The following MEGF9 variants were observed in gnomAD, a reference collection of about 807,000 sequenced individuals.
The protein encoded by MEGF9 is multiple epidermal growth factor-like domains protein 9.
Under a neutral mutation model 46.8 loss-of-function variants are expected in MEGF9, and 6 were observed. That is an observed-to-expected ratio of 0.13 (90% confidence interval 0.07 to 0.25). The LOEUF (loss-of-function observed/expected upper bound fraction) is 0.25. Ranked by LOEUF, MEGF9 falls within the 10% of genes least tolerant of loss-of-function variation. The probability of loss-of-function intolerance (pLI) is 1.00; values close to 1 mark genes in which losing one functional copy is unlikely to be tolerated. For synonymous variants in MEGF9, 302 were observed against 330.7 expected (o/e 0.91, Z 0.94); for missense variants, 683 against 792.4 (o/e 0.86, Z 1.66).
intron 2 of MEGF9, among the ~76,000 whole-genome samples, chr9:120,652,184 A>C (rs2043654808): frequency 7.4e-6 from 1 of 135,832 alleles, no homozygotes; most frequent in East Asian, 2.2e-4. Context: ...ACACACACAA[A>C]AAAAAAAAAA....
chr9:120,709,957 G>C (rs974176556), intron 1 of MEGF9, among the ~76,000 whole-genome samples: 2 of 146,480 alleles, frequency 1.4e-5, no homozygotes, highest in Non-Finnish European at 3.0e-5. Flanking sequence ...GCTGAGGCAA[G>C]AGAATCGCTT....
At chr9:120,621,207 A>T (rs908140943) in intron 3 of MEGF9, among the ~76,000 whole-genome samples, 5 of 152,196 alleles carry the variant, frequency 3.3e-5, no homozygotes, top group African/African-American at 1.2e-4. Flanking sequence ...GTCGGTTGAC[A>T]CCTTTAATCC....
chr9:120,680,894 G>A (rs149237774), intron 1 of MEGF9, among the ~76,000 whole-genome samples: 264 of 151,986 alleles, frequency 1.7e-3, no homozygotes, highest in African/African-American at 6.0e-3. Flanking sequence ...GGTGAATGCT[G>A]CCAGGCCTGG....
intron 2 of MEGF9, among the ~76,000 whole-genome samples, chr9:120,635,759 ATCAT>A (rs1373276502): frequency 1.3e-5 from 2 of 152,026 alleles, no homozygotes; most frequent in African/African-American, 4.8e-5. Context: ...TTCCTTGTAT[ATCAT>A]TCAATTTCTT....
intron 2 of MEGF9, among the ~76,000 whole-genome samples, chr9:120,646,345 A>G (rs1043653780): frequency 6.6e-6 from 1 of 152,132 alleles, no homozygotes; most frequent in African/African-American, 2.4e-5. Context: ...AACCCAAATC[A>G]TCCGTCTGGC....
Position 120,605,193 on chromosome 9 carries a change from G to A in MEGF9, c.1806C>T (p.Ala602=). ...TLTTPIHNYK[A] is the part of the protein sequence containing the mutation. ...AATTCAGAACAGTTCTAGCTCCTTAGGCTTTGTAGTTATGTATGGGCGTCG... is the reference window on the plus strand; with the variant it reads ...AATTCAGAACAGTTCTAGCTCCTTAAGCTTTGTAGTTATGTATGGGCGTCG... Residue 602 remains alanine, a synonymous_variant, in exon 6 of 6, where the codon GCC becomes GCT. Coordinates refer to ENST00000373930, the MANE Select transcript of MEGF9 (RefSeq NM_001080497.3). The surrounding 1 kb of genome is among the most constrained non-coding windows in gnomAD (Gnocchi z 4.0). 1 of 1,611,800 alleles carries A rather than the reference G, an allele frequency of 6.2e-7. No individual in the cohort carries two copies. The highest frequency in any genetic ancestry group is 1.1e-5 in the South Asian group (1 of 90,756).
chr9:120,651,591 T>C (rs2132318377), intron 2 of MEGF9, among the ~76,000 whole-genome samples: 1 of 152,170 alleles, frequency 6.6e-6, no homozygotes. Context: ...GCCTAGCAAG[T>C]ATTCAGTTTA....
At chr9:120,613,023 G>T (rs1181389078) in intron 3 of MEGF9, among the ~76,000 whole-genome samples, 1 of 150,256 alleles carries the variant, frequency 6.7e-6, no homozygotes. Context: ...TATTTTATGA[G>T]ACAGGATTTC....
chr9:120,650,093 C>T (rs576967631), intron 2 of MEGF9, among the ~76,000 whole-genome samples: 55 of 152,056 alleles, frequency 3.6e-4, no homozygotes, highest in Non-Finnish European at 4.1e-4. Context: ...GGTGAAATCC[C>T]GTCTCTACTA....
At chr9:120,697,001 A>G (rs913071520) in intron 1 of MEGF9, among the ~76,000 whole-genome samples, 8 of 152,250 alleles carry the variant, frequency 5.3e-5, no homozygotes, top group Non-Finnish European at 1.0e-4. Context: ...TAAGGAGAGA[A>G]GTTTACAAAA....
chr9:120,662,058 A>G (rs1263355621), intron 1 of MEGF9, among the ~76,000 whole-genome samples: 1 of 152,202 alleles, frequency 6.6e-6, no homozygotes, highest in Non-Finnish European at 1.5e-5. Context: ...TTCCTTACTA[A>G]TGTATTTCCA....
intron 1 of MEGF9, among the ~76,000 whole-genome samples, chr9:120,661,153 T>A (rs61442979): frequency 0.016 from 2,418 of 152,268 alleles, 63 homozygotes; most frequent in African/African-American, 0.055. Context: ...ACTTCTGCAG[T>A]TCCTAACCTT....
At chr9:120,664,096 T>A (rs2043714561) in intron 1 of MEGF9, among the ~76,000 whole-genome samples, 1 of 152,146 alleles carries the variant, frequency 6.6e-6, no homozygotes, top group Admixed American at 6.5e-5. Flanking sequence ...GTCCCATAAG[T>A]TCCCCTGCCA....
At chr9:120,659,788 A>T (rs995981746) in intron 1 of MEGF9, among the ~76,000 whole-genome samples, 8 of 143,018 alleles carry the variant, frequency 5.6e-5, no homozygotes, top group Non-Finnish European at 7.6e-5. Context: ...TGTGTGTGAC[A>T]GTGTGTGTGT....
intron 3 of MEGF9, among the ~76,000 whole-genome samples, chr9:120,622,172 T>C (rs1294569244): frequency 6.6e-6 from 1 of 152,214 alleles, no homozygotes; most frequent in East Asian, 1.9e-4. Context: ...AAGCTGGCCT[T>C]GTGTTTGGGG....
intron 2 of MEGF9, among the ~76,000 whole-genome samples, chr9:120,634,302 T>G (rs1307883168): frequency 6.6e-6 from 1 of 152,126 alleles, no homozygotes; most frequent in African/African-American, 2.4e-5. Flanking sequence ...TTACAATTAT[T>G]ATATCCTTTT....
At chr9:120,678,875 G>C (rs2043785303) in intron 1 of MEGF9, among the ~76,000 whole-genome samples, 2 of 152,066 alleles carry the variant, frequency 1.3e-5, no homozygotes, top group South Asian at 4.1e-4. Context: ...CATGAAAAAA[G>C]GCTCATCATC....
At chr9:120,704,671 C>G (rs2043920516) in intron 1 of MEGF9, among the ~76,000 whole-genome samples, 1 of 152,150 alleles carries the variant, frequency 6.6e-6, no homozygotes, top group African/African-American at 2.4e-5. Flanking sequence ...GTACAGAGGA[C>G]ATAAGCCTTT....
At chr9:120,627,923 C>T (rs2132306747) in intron 2 of MEGF9, among the ~76,000 whole-genome samples, 1 of 152,248 alleles carries the variant, frequency 6.6e-6, no homozygotes, top group East Asian at 1.9e-4. Flanking sequence ...TTTCTTCTTC[C>T]TCCACTTTTA....
Sources: allele counts gnomAD v4.1 joint callset (sites outside exome capture counted in the v4.1 genomes callset), GRCh38; gene constraint gnomAD v4.1.1; non-coding constraint Gnocchi (gnomAD v3.1); transcripts MANE v1.5; gene names NCBI Gene and HGNC (gene_info 2026-07-23, HGNC 2026-07-21).